Variants in PPFIBP2 observed in about 807,000 individuals in gnomAD.
PPFIBP2 encodes the protein liprin-beta-2.
A neutral mutation model predicts 118.3 loss-of-function variants in PPFIBP2; 118 were observed. That is an observed-to-expected ratio of 1.00 (90% CI 0.86 to 1.16). The LOEUF (loss-of-function observed/expected upper bound fraction) is 1.16, where lower values mean the gene tolerates loss of function less well. Among genes scored for constraint, PPFIBP2 ranks in the 50% most tolerant of loss-of-function variants. The pLI is 0.00. For synonymous variants in PPFIBP2, 414 were observed against 397.4 expected (o/e 1.04, Z -0.50); for missense variants, 1,195 against 1,073.1 (o/e 1.11, Z -1.59).
At chr11:7,570,021 A>G (rs1855476874) in intron 3 of PPFIBP2, among the ~76,000 whole-genome samples, 1 of 152,208 alleles carries the variant, frequency 6.6e-6, no homozygotes, top group African/African-American at 2.4e-5. Flanking sequence ...TGGCCCTGGC[A>G]TGTGGTACCT....
intron 1 of PPFIBP2, among the ~76,000 whole-genome samples, chr11:7,543,953 C>A (rs562090194): frequency 6.6e-6 from 1 of 152,292 alleles, no homozygotes; most frequent in East Asian, 1.9e-4. Context: ...TCATACCTTG[C>A]CATTCTAAAA....
intron 2 of PPFIBP2, among the ~76,000 whole-genome samples, chr11:7,557,776 T>A (rs540207863): frequency 1.2e-3 from 181 of 152,204 alleles, no homozygotes; most frequent in Non-Finnish European, 2.1e-3. Context: ...GGGATGCAGA[T>A]TCATATTTGT....
downstream of PPFIBP2, chr11:7,653,816 A>T: frequency 8.4e-7 from 1 of 1,191,120 alleles, no homozygotes; most frequent in South Asian, 1.6e-5. Context: ...GTAGCTGGAA[A>T]TGGAGTCCTA....
chr11:7,529,900 G>T (rs1488571526), intron 1 of PPFIBP2, among the ~76,000 whole-genome samples: 1 of 152,226 alleles, frequency 6.6e-6, no homozygotes, highest in African/African-American at 2.4e-5. Context: ...CCCTAACCTT[G>T]CCCTGTTTTG....
intron 5 of PPFIBP2, among the ~76,000 whole-genome samples, chr11:7,602,744 A>G (rs1183672148): frequency 6.6e-6 from 1 of 152,194 alleles, no homozygotes; most frequent in Admixed American, 6.5e-5. Context: ...TATCCTCCCT[A>G]CCGACCCAGA....
downstream of PPFIBP2, chr11:7,656,695 T>C (rs11600662): frequency 0.034 from 44,321 of 1,289,168 alleles, 900 homozygotes; most frequent in Middle Eastern, 0.082. Flanking sequence ...CAAAACTCTA[T>C]TAAACTGACC....
intron 22 of PPFIBP2, 136 bp from the exon 23 acceptor site, chr11:7,651,520 G>A: frequency 1.4e-6 from 1 of 718,256 alleles, no homozygotes; most frequent in Non-Finnish European, 2.3e-6. Flanking sequence ...AGTGGAGTGG[G>A]ACTCAGAACA....
At chr11:7,647,252 C>A (rs1853230938) in intron 17 of PPFIBP2, among the ~76,000 whole-genome samples, 1 of 152,104 alleles carries the variant, frequency 6.6e-6, no homozygotes, top group African/African-American at 2.4e-5. Context: ...TTCTATAAAT[C>A]CTCATTTATG....
chr11:7,603,486 C>T (rs1846934248), intron 5 of PPFIBP2, among the ~76,000 whole-genome samples: 1 of 152,136 alleles, frequency 6.6e-6, no homozygotes, highest in Non-Finnish European at 1.5e-5. Flanking sequence ...CTTATTTTTC[C>T]TTTCATGCCT....
At chr11:7,585,156 C>G (rs1857906871) in intron 3 of PPFIBP2, among the ~76,000 whole-genome samples, 1 of 152,088 alleles carries the variant, frequency 6.6e-6, no homozygotes, top group African/African-American at 2.4e-5. Flanking sequence ...TGGCCAAGAT[C>G]CTGAAGGCAC....
intron 1 of PPFIBP2, chr11:7,539,299 A>G (rs886096423): frequency 1.3e-5 from 2 of 152,394 alleles, no homozygotes; most frequent in Non-Finnish European, 1.5e-5. Flanking sequence ...GAAATTTAGC[A>G]CAATGGCCTT....
intron 2 of PPFIBP2, among the ~76,000 whole-genome samples, chr11:7,562,976 T>TATACAC (rs1554953438): frequency 9.0e-5 from 9 of 100,466 alleles, no homozygotes; most frequent in African/African-American, 3.0e-4. Flanking sequence ...TATATATATA[T>TATACAC]ACACGCACAC....
chr11:7,562,283 C>G (rs1468187894), intron 2 of PPFIBP2, among the ~76,000 whole-genome samples: 1 of 152,194 alleles, frequency 6.6e-6, no homozygotes, highest in African/African-American at 2.4e-5. Flanking sequence ...ACTCATATGG[C>G]CATTGGTAGA....
intron 3 of PPFIBP2, among the ~76,000 whole-genome samples, chr11:7,589,182 T>C (rs1299166802): frequency 6.6e-6 from 1 of 152,120 alleles, no homozygotes; most frequent in African/African-American, 2.4e-5. Context: ...ATTGGTTGAG[T>C]AAAAATTAGC....
intron 1 of PPFIBP2, among the ~76,000 whole-genome samples, chr11:7,534,599 C>T (rs755102857): frequency 6.6e-6 from 1 of 152,108 alleles, no homozygotes; most frequent in Non-Finnish European, 1.5e-5. Context: ...CATTGCCAAC[C>T]GGGTCCTGTC....
chr11:7,547,854 C>G (rs928111065), intron 1 of PPFIBP2, among the ~76,000 whole-genome samples: 4 of 152,154 alleles, frequency 2.6e-5, no homozygotes, highest in African/African-American at 9.7e-5. Context: ...CCTGCCCTCT[C>G]CCCCTCCACA....
At chr11:7,518,744 A>G (rs979685887) in intron 1 of PPFIBP2, among the ~76,000 whole-genome samples, 2 of 152,084 alleles carry the variant, frequency 1.3e-5, no homozygotes, top group African/African-American at 2.4e-5. Context: ...TTTGAGAGAG[A>G]TCAGTGAGGG....
intron 2 of PPFIBP2, among the ~76,000 whole-genome samples, chr11:7,562,926 G>GTT (rs1181159130): frequency 3.1e-5 from 3 of 96,274 alleles, no homozygotes; most frequent in Admixed American, 3.1e-4. Flanking sequence ...AGAAATTAAA[G>GTT]TTTTATATAT....
At chr11:7,628,247 T>A in intron 8 of PPFIBP2, 38 bp from the exon 9 acceptor site, 1 of 1,545,226 alleles carries the variant, frequency 6.5e-7, no homozygotes, top group Non-Finnish European at 8.9e-7. Flanking sequence ...CTGTCTGTAT[T>A]TATATAAATA....
Sources: gnomAD v4.1 joint callset for allele counts (sites outside exome capture counted in the v4.1 genomes callset) on GRCh38, gnomAD v4.1.1 for gene constraint, MANE v1.5 for transcripts, NCBI Gene and HGNC (gene_info 2026-07-23, HGNC 2026-07-21) for gene names.